The following NKAIN2 variants were observed in gnomAD, a reference collection of about 807,000 sequenced individuals.
The protein encoded by NKAIN2 is sodium/potassium transporting ATPase interacting 2, also known as sodium/potassium-transporting ATPase subunit beta-1-interacting protein 2.
A neutral mutation model predicts 32.6 loss-of-function variants in NKAIN2; 14 were observed. The ratio of observed to expected loss-of-function variants is 0.43; its 90% CI spans 0.28 to 0.67. The LOEUF (loss-of-function observed/expected upper bound fraction) is 0.67, where lower values mean the gene tolerates loss of function less well. NKAIN2 is among the 30% of genes least tolerant of loss of function. The pLI is 0.17. For synonymous variants in NKAIN2, 80 were observed against 87.2 expected (o/e 0.92, Z 0.46); for missense variants, 198 against 258.3 (o/e 0.77, Z 1.60).
At chr6:124,687,313 A>T (rs1164186251) in intron 4 of NKAIN2, among the ~76,000 whole-genome samples, 1 of 142,082 alleles carries the variant, frequency 7.0e-6, no homozygotes, top group Non-Finnish European at 1.5e-5. Context: ...TAGAGAATAT[A>T]TATGTAATAT....
chr6:124,660,631 G>T, intron 4 of NKAIN2, among the ~76,000 whole-genome samples: 1 of 152,158 alleles, frequency 6.6e-6, no homozygotes, highest in South Asian at 2.1e-4. Flanking sequence ...ACCATCCTAG[G>T]ATGTGACATC....
chr6:124,663,538 CAGAT>C (rs1772603479), intron 4 of NKAIN2, among the ~76,000 whole-genome samples: 1 of 152,042 alleles, frequency 6.6e-6, no homozygotes, highest in Non-Finnish European at 1.5e-5. Flanking sequence ...ACTTCTTAAA[CAGAT>C]AGAAAATATT....
At chr6:123,855,768 G>A (rs1301389188) in intron 1 of NKAIN2, among the ~76,000 whole-genome samples, 5 of 152,190 alleles carry the variant, frequency 3.3e-5, no homozygotes, top group African/African-American at 9.7e-5. Flanking sequence ...CAATGTCTGA[G>A]TTCACATGGA....
intron 1 of NKAIN2, among the ~76,000 whole-genome samples, chr6:123,886,051 A>G (rs1773701225): frequency 1.3e-5 from 2 of 151,976 alleles, no homozygotes; most frequent in African/African-American, 4.8e-5. Context: ...ATTAAAATTC[A>G]CTTGTACTAT....
At chr6:124,173,684 T>G (rs1229402716) in intron 1 of NKAIN2, among the ~76,000 whole-genome samples, 1 of 152,160 alleles carries the variant, frequency 6.6e-6, no homozygotes, top group East Asian at 1.9e-4. Flanking sequence ...TATCAAATAT[T>G]ATTTTATCTT....
intron 1 of NKAIN2, among the ~76,000 whole-genome samples, chr6:123,922,952 A>C (rs551974407): frequency 2.6e-5 from 4 of 152,304 alleles, no homozygotes; most frequent in African/African-American, 9.6e-5. Flanking sequence ...TTTTGTAGCT[A>C]GTATATAACT....
chr6:124,252,954 T>TA (rs1793753119), intron 1 of NKAIN2, among the ~76,000 whole-genome samples: 1 of 152,216 alleles, frequency 6.6e-6, no homozygotes, highest in African/African-American at 2.4e-5. Context: ...ATAAAATTTA[T>TA]AAAAGCATAT....
chr6:124,357,931 G>A (rs1054941039), intron 3 of NKAIN2, among the ~76,000 whole-genome samples: 5 of 150,880 alleles, frequency 3.3e-5, no homozygotes, highest in Non-Finnish European at 7.4e-5. Context: ...CCCCCAACCC[G>A]CACGCCACAA....
intron 1 of NKAIN2, among the ~76,000 whole-genome samples, chr6:124,196,369 A>G (rs1045090895): frequency 6.6e-5 from 10 of 152,100 alleles, no homozygotes; most frequent in Non-Finnish European, 1.0e-4. Flanking sequence ...TCTACAGACA[A>G]GAAGGTTCCA....
At chr6:124,573,046 G>T (rs1781189392) in intron 3 of NKAIN2, among the ~76,000 whole-genome samples, 1 of 151,850 alleles carries the variant, frequency 6.6e-6, no homozygotes, top group African/African-American at 2.4e-5. Flanking sequence ...CACTCCGTTG[G>T]CCAAGCTGGT....
chr6:124,725,784 C>A (rs1224465249), intron 4 of NKAIN2, among the ~76,000 whole-genome samples: 1 of 152,204 alleles, frequency 6.6e-6, no homozygotes, highest in Non-Finnish European at 1.5e-5. Flanking sequence ...TCTGCATTTC[C>A]ATCTGAGGTA....
chr6:124,211,915 T>C (rs1341321059), intron 1 of NKAIN2, among the ~76,000 whole-genome samples: 2 of 152,098 alleles, frequency 1.3e-5, no homozygotes, highest in East Asian at 1.9e-4. Context: ...CTTTGTGTGA[T>C]TGGCATTGTT....
intron 1 of NKAIN2, among the ~76,000 whole-genome samples, chr6:123,884,150 C>G (rs1027245846): frequency 1.3e-5 from 2 of 152,056 alleles, no homozygotes; most frequent in East Asian, 3.9e-4. Context: ...TGTGTTGTTT[C>G]CCTCTATGTG....
intron 5 of NKAIN2, among the ~76,000 whole-genome samples, chr6:124,792,339 G>A (rs1423404723): frequency 6.6e-6 from 1 of 152,112 alleles, no homozygotes; most frequent in African/African-American, 2.4e-5. Context: ...AAAGGAAGAG[G>A]CAATATCAAG....
intron 3 of NKAIN2, among the ~76,000 whole-genome samples, chr6:124,621,082 C>T (rs916494318): frequency 1.3e-5 from 2 of 152,108 alleles, no homozygotes; most frequent in African/African-American, 2.4e-5. Flanking sequence ...AAGAACGTAG[C>T]GAGGCCTGAG....
intron 1 of NKAIN2, among the ~76,000 whole-genome samples, chr6:123,882,934 T>G (rs1330341177): frequency 6.6e-6 from 1 of 152,150 alleles, no homozygotes; most frequent in Non-Finnish European, 1.5e-5. Flanking sequence ...ACTAAGCTGG[T>G]GAAACGGTGA....
intron 4 of NKAIN2, among the ~76,000 whole-genome samples, chr6:124,779,290 A>C: frequency 1.1e-5 from 1 of 87,124 alleles, no homozygotes; most frequent in South Asian, 5.6e-4. Context: ...AGAGGAAGGC[A>C]GGAAGGAGGG....
intron 2 of NKAIN2, among the ~76,000 whole-genome samples, chr6:124,304,498 T>C (rs994196679): frequency 3.3e-5 from 5 of 152,036 alleles, no homozygotes; most frequent in African/African-American, 1.2e-4. Context: ...TTAAGAAGTA[T>C]AGTTAGAGTA....
chr6:123,992,014 A>G (rs1211392643), intron 1 of NKAIN2, among the ~76,000 whole-genome samples: 1 of 152,136 alleles, frequency 6.6e-6, no homozygotes, highest in African/African-American at 2.4e-5. Context: ...TTGTTCTTAT[A>G]TGTGATATTT....
Sources: gnomAD v4.1 joint callset for allele counts (sites outside exome capture counted in the v4.1 genomes callset) on GRCh38, gnomAD v4.1.1 for gene constraint, MANE v1.5 for transcripts, NCBI Gene and HGNC (gene_info 2026-07-23, HGNC 2026-07-21) for gene names.